CPNE6: variants seen among roughly 807,000 people sequenced by gnomAD.
The protein encoded by CPNE6 is copine 6.
In CPNE6, 33 loss-of-function variants were observed where a neutral mutation model predicts 71.5. The ratio of observed to expected loss-of-function variants is 0.46; its 90% confidence interval spans 0.35 to 0.62. The LOEUF is 0.62. CPNE6 is among the 20% of genes least tolerant of loss of function. The probability of loss-of-function intolerance (pLI) is 0.00; values close to 1 mark genes in which losing one functional copy is unlikely to be tolerated. For synonymous variants in CPNE6, 296 were observed against 293.0 expected (o/e 1.01, Z -0.10); for missense variants, 576 against 747.3 (o/e 0.77, Z 2.67).
At position 24,073,694 on chromosome 14, in the gene CPNE6, C is replaced by T. The variant is rs200094722; in HGVS notation, c.348+16C>T. 368 of 1,605,660 alleles carry T rather than the reference C, an allele frequency of 2.3e-4. 1 individual carries two copies. The highest frequency in any genetic ancestry group is 7.9e-4 in the Middle Eastern group (4 of 5,056). On this transcript the variant is annotated intron_variant, in intron 4 of 17. Coordinates refer to ENST00000397016, the Ensembl canonical transcript of CPNE6. This position sits in a 1 kb window ranked among gnomAD's most constrained non-coding sequence, Gnocchi z 5.5. ...CTTGGGCCAGGTCTGCATTCCCGGCCTCCCCGGCTACCCTACCCTACCTCC... is the reference window on the plus strand; with the variant it reads ...CTTGGGCCAGGTCTGCATTCCCGGCTTCCCCGGCTACCCTACCCTACCTCC...
At position 24,075,365 on chromosome 14, in the gene CPNE6, G is replaced by T; in HGVS notation, c.777+89G>T. 7.1e-7 allele frequency: 1 copy of T among 1,400,734 alleles called. No homozygotes were observed. Among genetic ancestry groups the T allele is most frequent in the Non-Finnish European group, 1.0e-6 (1 of 986,964 alleles). 86.8% of individuals were successfully genotyped at this position (1,400,734 alleles called of 1,614,324 possible). ...CTGAAGAGACCACCATAGGTGATAGGAAGTGGAGAGGGTGGAAAGCACCTG... is the reference window on the plus strand; with the variant it reads ...CTGAAGAGACCACCATAGGTGATAGTAAGTGGAGAGGGTGGAAAGCACCTG... On this transcript the variant is annotated intron_variant, in intron 9 of 17. Transcript: ENST00000397016. The surrounding 1 kb of genome is among the most constrained non-coding windows in gnomAD (Gnocchi z 4.3).
In CPNE6 at chr14:24,071,553, G is replaced by A. The variant is rs1566547282; in HGVS notation, c.-93G>A. ...CCCCATAAATAGCAGCAGAGCCGGAGCTGGAGCCGGCGCCAGCGGCTGGAG... is the reference window on the plus strand; with the variant it reads ...CCCCATAAATAGCAGCAGAGCCGGAACTGGAGCCGGCGCCAGCGGCTGGAG... On this transcript the variant is annotated 5_prime_UTR_variant, in exon 2 of 18. Coordinates refer to ENST00000397016, the Ensembl canonical transcript of CPNE6. 1.4e-6 allele frequency: 2 copies of A among 1,426,146 alleles called. No individual in the cohort carries two copies. Among genetic ancestry groups the A allele is most frequent in the African/African-American group, 1.4e-5 (1 of 68,980 alleles). The allele number at this position is 1,426,146 out of a possible 1,614,324, so 88.3% of individuals were successfully genotyped here.
At chr14:24,071,967 G>A (rs962994153) in intron 2 of CPNE6, 5 of 316,010 alleles carry the variant, frequency 1.6e-5, no homozygotes, top group African/African-American at 2.1e-5. Flanking sequence ...CACACGACAT[G>A]GGGGGACAGA....
rs371188538 is a variant in CPNE6, at chr14:24,074,012, G to T, written c.349-39G>T. 96 of 1,555,772 alleles carry T rather than the reference G, an allele frequency of 6.2e-5. No individual in the cohort carries two copies. The highest frequency in any genetic ancestry group is 7.7e-5 in the Non-Finnish European group (87 of 1,127,068). ...CCTTGTACGTGGCCAAGGCAGATGG[G>T]GATGTCACAGCTGGGTCTCCCTCCA... On this transcript the variant is annotated intron_variant, in intron 4 of 17. Coordinates refer to ENST00000397016, the Ensembl canonical transcript of CPNE6. This position sits in a 1 kb window ranked among gnomAD's most constrained non-coding sequence, Gnocchi z 4.5.
In CPNE6 at chr14:24,073,820, G is replaced by A; in HGVS notation, c.348+142G>A. ...ATCTCTGCCATTCACTAGCTGTGCA[G>A]CCTCAGGAAAGATACTTAACCTCTC... On this transcript the variant is annotated intron_variant, in intron 4 of 17. Coordinates refer to ENST00000397016, the Ensembl canonical transcript of CPNE6. The surrounding 1 kb of genome is among the most constrained non-coding windows in gnomAD (Gnocchi z 5.5). 1 of 958,206 alleles carries A rather than the reference G, an allele frequency of 1.0e-6. No individual in the cohort carries two copies. The highest frequency in any genetic ancestry group is 1.6e-6 in the Non-Finnish European group (1 of 642,870). The allele number at this position is 958,206 out of a possible 1,614,324, so 59.4% of individuals were successfully genotyped here. A position where few individuals can be genotyped will look rare whatever the true frequency, so the allele number is the denominator to read the frequency against.
chr14:24,076,014 A>C (rs1594232127), intron 11 of CPNE6, 128 bp downstream of exon 10: 2 of 1,488,918 alleles, frequency 1.3e-6, no homozygotes, highest in South Asian at 1.2e-5. Flanking sequence ...CAGCTTATGC[A>C]CCCCCACATC....
chr14:24,071,657 C>T lies in CPNE6; in HGVS notation c.-5+16C>T, dbSNP rs1315010834. On this transcript the variant is annotated intron_variant, in intron 2 of 17. Transcript: ENST00000397016. ...GAGAGCCCAGGTGAGCCCACCCTTC[C>T]TCCCCAGCCCAGCCCCAGCCCAGCC... The T allele has an allele frequency of 1.2e-6, 1 of 834,376 alleles. No homozygotes were observed. Among genetic ancestry groups the T allele is most frequent in the Admixed American group, 2.0e-5 (1 of 50,082 alleles). The allele number at this position is 834,376 out of a possible 1,614,324, so 51.7% of individuals were successfully genotyped here. A position where few individuals can be genotyped will look rare whatever the true frequency, so the allele number is the denominator to read the frequency against.
chr14:24,073,940 T>G lies in CPNE6; in HGVS notation c.349-111T>G. 8.2e-6 allele frequency: 9 copies of G among 1,094,790 alleles called. No homozygotes were observed. The highest frequency in any genetic ancestry group is 1.1e-5 in the Non-Finnish European group (8 of 720,364). The allele number at this position is 1,094,790 out of a possible 1,614,324, so 67.8% of individuals were successfully genotyped here. A position where few individuals can be genotyped will look rare whatever the true frequency, so the allele number is the denominator to read the frequency against. On this transcript the variant is annotated intron_variant, in intron 4 of 17. Transcript: ENST00000397016. This position sits in a 1 kb window ranked among gnomAD's most constrained non-coding sequence, Gnocchi z 5.5. The stretch of plus-strand genomic sequence containing the variant: ...AAATTGAGCCCAACCCTAGCCCAAC[T>G]CAAAGTGCCAACCCTTGCAGACACT...
Position 24,073,167 on chromosome 14 carries a change from G to A in CPNE6, c.168+63G>A. On this transcript the variant is annotated intron_variant, in intron 3 of 17. Transcript: ENST00000397016. The surrounding 1 kb of genome is among the most constrained non-coding windows in gnomAD (Gnocchi z 5.5). Reference sequence around the variant, plus strand: ...TTAAGCTTGGGAAAGAGGGAGGCTGGGTGGGAGCAGTGAAAGCCTTGCAGG... The same window carrying A: ...TTAAGCTTGGGAAAGAGGGAGGCTGAGTGGGAGCAGTGAAAGCCTTGCAGG... 1 of 1,391,388 alleles carries A rather than the reference G, an allele frequency of 7.2e-7. No homozygotes were observed. The highest frequency in any genetic ancestry group is 9.3e-7 in the Non-Finnish European group (1 of 1,070,292). 86.2% of individuals were successfully genotyped at this position (1,391,388 alleles called of 1,614,324 possible).
Position 24,073,396 on chromosome 14 carries a change from C to T in CPNE6, c.169-103C>T, listed in dbSNP as rs1461136232. On this transcript the variant is annotated intron_variant, in intron 3 of 17. Coordinates refer to ENST00000397016, the Ensembl canonical transcript of CPNE6. This position sits in a 1 kb window ranked among gnomAD's most constrained non-coding sequence, Gnocchi z 5.5. ...GAAGAGAAGAGCTGGTTGCTGGGGA[C>T]GTGGGGGCCCAAGAAGAGCTGGCAT... is the stretch of plus-strand genomic sequence containing the variant. 16 of 1,293,832 alleles carry T rather than the reference C, an allele frequency of 1.2e-5. No homozygotes were observed. Among genetic ancestry groups the T allele is most frequent in the South Asian group, 4.3e-5 (3 of 70,050 alleles). 80.1% of individuals were successfully genotyped at this position (1,293,832 alleles called of 1,614,324 possible). A position where few individuals can be genotyped will look rare whatever the true frequency, so the allele number is the denominator to read the frequency against.
intron 2 of CPNE6, chr14:24,072,151 T>G: frequency 6.5e-6 from 1 of 152,858 alleles, no homozygotes; most frequent in Non-Finnish European, 1.5e-5. Flanking sequence ...GTACCACTGC[T>G]GGGGGAAGGT....
Position 24,075,635 on chromosome 14 carries a change from C to T in CPNE6, c.864+44C>T, listed in dbSNP as rs1247285980. The T allele has an allele frequency of 6.6e-7, 1 of 1,510,374 alleles. No homozygotes were observed. Among genetic ancestry groups the T allele is most frequent in the Non-Finnish European group, 9.1e-7 (1 of 1,097,840 alleles). The allele number at this position is 1,510,374 out of a possible 1,614,324, so 93.6% of individuals were successfully genotyped here. ...TTCAAGCCTTGCCCCAGCCCCTGCC[C>T]CTACCACACTCTCAGGTTCAACCCT... On this transcript the variant is annotated intron_variant, in intron 10 of 17. Coordinates refer to ENST00000397016, the Ensembl canonical transcript of CPNE6. The surrounding 1 kb of genome is among the most constrained non-coding windows in gnomAD (Gnocchi z 4.3).
rs1217783198 is a variant in CPNE6 at position 24,073,307 on chromosome 14, T to C, written c.169-192T>C. 1.3e-5 allele frequency among the ~76,000 whole-genome samples: 2 copies of C among 152,112 alleles called. No homozygotes were observed. Among genetic ancestry groups the C allele is most frequent in the Admixed American group, 6.5e-5 (1 of 15,278 alleles). On this transcript the variant is annotated intron_variant, in intron 3 of 17. Transcript: ENST00000397016. The surrounding 1 kb of genome is among the most constrained non-coding windows in gnomAD (Gnocchi z 5.5). ...AGTGGGGTTGCTCCCAAAGGCCTCA[T>C]GATAGCCCGGAGGACTGAGAGTCCA...
intron 1 of CPNE6, 58 bp from the exon 1 acceptor site, chr14:24,071,504 C>CA: frequency 4.7e-6 from 4 of 846,770 alleles, no homozygotes; most frequent in South Asian, 2.8e-5. Flanking sequence ...GTGCTGCGCC[C>CA]CCCCCCACCC....
In CPNE6 at chr14:24,074,551, C is replaced by T. The variant is rs186826776; in HGVS notation, c.519C>T (p.Asp173=). ...TTCAGGATCTGTTCAGCAAGTCTGA[C>T]CCTTTCATGGAAATCTATAAGACCA... Residue 173 remains aspartate, a synonymous_variant, in exon 7 of 18, where the codon GAC becomes GAT. Coordinates refer to ENST00000397016, the Ensembl canonical transcript of CPNE6. The surrounding 1 kb of genome is among the most constrained non-coding windows in gnomAD (Gnocchi z 4.5). The T allele has an allele frequency of 6.1e-5, 98 of 1,614,122 alleles. No individual in the cohort carries two copies. The East Asian group carries it at 2.2e-3, about 36-fold the overall frequency.
At position 24,073,529 on chromosome 14, in the gene CPNE6, T is replaced by G. The variant is rs770900500; in HGVS notation, c.199T>G (p.Ser67Ala). The G allele has an allele frequency of 6.2e-7, 1 of 1,613,864 alleles. No individual in the cohort carries two copies. The highest frequency in any genetic ancestry group is 8.5e-7 in the Non-Finnish European group (1 of 1,180,016). Residue 67 changes from serine (S) to alanine (A), a missense_variant, in exon 4 of 18, where the codon TCC becomes GCC. Ser to Ala is a moderately conservative substitution (Grantham distance 99). Transcript: ENST00000397016. The surrounding 1 kb of genome is among the most constrained non-coding windows in gnomAD (Gnocchi z 5.5). ...GCGCACAGAGGTGCTTCGCTCCTGT[T>G]CCAGCCCTGTCTTCTCCCGGGTGCT... is the stretch of plus-strand genomic sequence containing the variant.
intron 14 of CPNE6, 159 bp downstream of exon 13, chr14:24,076,716 C>A: frequency 7.0e-7 from 1 of 1,433,910 alleles, no homozygotes; most frequent in Non-Finnish European, 9.7e-7. Context: ...AGCATCTGCA[C>A]CCAACTCTCC....
rs763071388 is a variant in CPNE6, at chr14:24,077,119, A to T, written c.1300-35A>T. ...AACGGTGTCAACGCCCTTGCACACAAAGCCAACCCTTCCACCCTCTCTGCT... is the reference window on the plus strand; with the variant it reads ...AACGGTGTCAACGCCCTTGCACACATAGCCAACCCTTCCACCCTCTCTGCT... On this transcript the variant is annotated intron_variant, in intron 15 of 17. Transcript: ENST00000397016. The surrounding 1 kb of genome is among the most constrained non-coding windows in gnomAD (Gnocchi z 6.1). The T allele has an allele frequency of 6.3e-7, 1 of 1,595,112 alleles. No individual in the cohort carries two copies. The highest frequency in any genetic ancestry group is 1.7e-5 in the Admixed American group (1 of 59,804).
Position 24,077,149 on chromosome 14 carries a change from C to T in CPNE6, c.1300-5C>T, listed in dbSNP as rs1022511855. The stretch of plus-strand genomic sequence containing the variant: ...AACCCTTCCACCCTCTCTGCTTGCC[C>T]TCAGAAGTACTCGGTGCTGCTGGTG... On this transcript the variant is annotated splice_polypyrimidine_tract_variant and splice_region_variant and intron_variant, in intron 15 of 17. Coordinates refer to ENST00000397016, the Ensembl canonical transcript of CPNE6. The surrounding 1 kb of genome is among the most constrained non-coding windows in gnomAD (Gnocchi z 6.1). The T allele has an allele frequency of 4.4e-6, 7 of 1,600,358 alleles. No homozygotes were observed. In the African/African-American group the frequency reaches 8.0e-5, roughly 18 times the overall value.
Sources: allele counts gnomAD v4.1 joint callset (sites outside exome capture counted in the v4.1 genomes callset), GRCh38; gene constraint gnomAD v4.1.1; non-coding constraint Gnocchi (gnomAD v3.1); transcripts MANE v1.5; gene names NCBI Gene and HGNC (gene_info 2026-07-23, HGNC 2026-07-21).